The following ELP4 variants were observed in gnomAD, a reference collection of about 807,000 sequenced individuals.
ELP4 encodes the protein elongator complex protein 4.
ELP4 carries 51 observed loss-of-function variants against 48.9 expected under a neutral mutation model. The observed-to-expected ratio is 1.04, with a 90% confidence interval of 0.83 to 1.32. The LOEUF is 1.32. Among genes scored for constraint, ELP4 ranks in the 40% most tolerant of loss-of-function variants. ELP4 has a pLI of 0.00. For synonymous variants in ELP4, 210 were observed against 189.2 expected, an observed-to-expected ratio of 1.11 and a Z score of -0.90; for missense variants, 519 against 514.6, an observed-to-expected ratio of 1.01 and a Z score of -0.08.
intron 9 of ELP4, among the ~76,000 whole-genome samples, chr11:31,733,680 C>A (rs1483575279): frequency 6.6e-6 from 1 of 151,872 alleles, no homozygotes; most frequent in Non-Finnish European, 1.5e-5. Flanking sequence ...AATTTTAAAG[C>A]CTAAACAAAA....
At chr11:31,623,720 A>G (rs1156309575) in intron 5 of ELP4, among the ~76,000 whole-genome samples, 3 of 151,110 alleles carry the variant, frequency 2.0e-5, no homozygotes, top group African/African-American at 7.3e-5. Flanking sequence ...TCTCATATCA[A>G]AGAACCCCCC....
rs1239770061 is a variant in ELP4 at position 31,615,898 on chromosome 11, A to T, written c.654-11212A>T. Reference sequence around the variant, plus strand: ...CCTGCAACTGGAGTGTTACTATATTATATTGACTTCATGGGGATTGATCAT... The same window carrying T: ...CCTGCAACTGGAGTGTTACTATATTTTATTGACTTCATGGGGATTGATCAT... On this transcript the variant is annotated intron_variant, in intron 5 of 9. Coordinates refer to ENST00000640961, the MANE Select transcript of ELP4 (RefSeq NM_019040.5). Among the ~76,000 whole-genome samples the T allele has an allele frequency of 2.0e-5, 3 of 152,102 alleles. No homozygotes were observed. The East Asian group carries it at 5.8e-4, about 29-fold the overall frequency.
At chr11:31,685,157 C>T (rs1005650288) in intron 9 of ELP4, among the ~76,000 whole-genome samples, 2 of 151,884 alleles carry the variant, frequency 1.3e-5, no homozygotes, top group Non-Finnish European at 2.9e-5. Context: ...TCAAGACCAT[C>T]CTGGCCAACA....
chr11:31,736,564 T>C (rs6484536), intron 9 of ELP4, among the ~76,000 whole-genome samples: 149,605 of 152,072 alleles, frequency 0.98, 73,606 homozygotes, highest in Middle Eastern at 1. Context: ...AGAAAATTTT[T>C]GCAACCTACT....
At chr11:31,540,847 G>A (rs569318762) in intron 3 of ELP4, among the ~76,000 whole-genome samples, 3 of 152,220 alleles carry the variant, frequency 2.0e-5, no homozygotes, top group Admixed American at 2.0e-4. Context: ...AGTACTCATT[G>A]ATTAATATTA....
At chr11:31,650,937 T>G (rs1443306816) in intron 9 of ELP4, 1 of 151,628 alleles carries the variant, frequency 6.6e-6, no homozygotes, top group African/African-American at 2.4e-5. Flanking sequence ...AACAAAGACA[T>G]AAAACAGCCA....
chr11:31,615,407 T>C (rs923973543), intron 5 of ELP4, among the ~76,000 whole-genome samples: 21 of 152,194 alleles, frequency 1.4e-4, no homozygotes, highest in African/African-American at 5.1e-4. Flanking sequence ...GAGATAGCAC[T>C]TAGCATACAG....
chr11:31,734,664 A>G (rs1178407629), intron 9 of ELP4, among the ~76,000 whole-genome samples: 4 of 152,228 alleles, frequency 2.6e-5, no homozygotes, highest in East Asian at 1.9e-4. Context: ...CAAGAAGGCA[A>G]AAGTATTGTA....
intron 9 of ELP4, chr11:31,654,656 C>G (rs1407877837): frequency 1.3e-5 from 2 of 151,680 alleles, no homozygotes; most frequent in Admixed American, 1.3e-4. Context: ...AAACTCTTAC[C>G]AATTACAGGA....
At chr11:31,582,362 T>G (rs1957405683) in intron 3 of ELP4, among the ~76,000 whole-genome samples, 1 of 152,232 alleles carries the variant, frequency 6.6e-6, no homozygotes, top group East Asian at 1.9e-4. Flanking sequence ...GATCTTTTAT[T>G]CTGAGGGATT....
intron 5 of ELP4, among the ~76,000 whole-genome samples, chr11:31,613,817 T>G (rs528610695): frequency 9.3e-5 from 14 of 150,270 alleles, no homozygotes; most frequent in Non-Finnish European, 2.1e-4. Context: ...CAAGCAATTC[T>G]CCTGCCTCGG....
chr11:31,516,300 G>A (rs1956109884), intron 1 of ELP4, among the ~76,000 whole-genome samples: 1 of 152,138 alleles, frequency 6.6e-6, no homozygotes, highest in Non-Finnish European at 1.5e-5. Flanking sequence ...AATGTCTCTT[G>A]TATGCTTATA....
At chr11:31,521,285 T>G (rs1040331216) in intron 2 of ELP4, among the ~76,000 whole-genome samples, 10 of 151,854 alleles carry the variant, frequency 6.6e-5, no homozygotes, top group African/African-American at 1.2e-4. Context: ...AAGTGCATTA[T>G]GTTTTTTTTT....
At chr11:31,684,600 G>A (rs7947370) in intron 9 of ELP4, among the ~76,000 whole-genome samples, 150,030 of 152,310 alleles carry the variant, frequency 0.99, 73,922 homozygotes, top group Middle Eastern at 1. Flanking sequence ...GTAACCAAAC[G>A]GGACAGAAAA....
At chr11:31,525,031 C>G (rs538546742) in intron 2 of ELP4, among the ~76,000 whole-genome samples, 1 of 152,140 alleles carries the variant, frequency 6.6e-6, no homozygotes, top group Non-Finnish European at 1.5e-5. Context: ...GGCCTGCTAG[C>G]TGGTCACCTA....
intron 2 of ELP4, among the ~76,000 whole-genome samples, chr11:31,524,459 G>A (rs995732618): frequency 2.1e-4 from 32 of 152,146 alleles, no homozygotes; most frequent in African/African-American, 7.2e-4. Flanking sequence ...TCAGCAAAAT[G>A]TTATAGGTTT....
chr11:31,608,073 G>A (rs1957906734), intron 5 of ELP4, among the ~76,000 whole-genome samples: 1 of 150,914 alleles, frequency 6.6e-6, no homozygotes, highest in Non-Finnish European at 1.5e-5. Context: ...CTACAAATCT[G>A]TAGAGAGTGC....
intron 3 of ELP4, chr11:31,580,596 C>T (rs1957373218): frequency 6.5e-6 from 1 of 152,684 alleles, no homozygotes; most frequent in Non-Finnish European, 1.5e-5. Flanking sequence ...CTCTTGCTGT[C>T]TCTCGCACAC....
intron 9 of ELP4, among the ~76,000 whole-genome samples, chr11:31,740,927 G>T (rs552218270): frequency 1.3e-5 from 2 of 152,180 alleles, no homozygotes; most frequent in Non-Finnish European, 2.9e-5. Flanking sequence ...TGCGTGAGCC[G>T]AAGCAGGGCG....
Sources: allele counts gnomAD v4.1 joint callset (sites outside exome capture counted in the v4.1 genomes callset), GRCh38; gene constraint gnomAD v4.1.1; transcripts MANE v1.5; gene names NCBI Gene and HGNC (gene_info 2026-07-23, HGNC 2026-07-21).